RAPSN: variants seen among roughly 807,000 people sequenced by gnomAD.
RAPSN encodes 43 kDa receptor-associated protein of the synapse.
Under a neutral mutation model 45.7 loss-of-function variants are expected in RAPSN, and 33 were observed. That is an observed-to-expected ratio of 0.72 (90% CI 0.55 to 0.97). The LOEUF (loss-of-function observed/expected upper bound fraction) is 0.97. Among genes scored for constraint, RAPSN ranks in the 50% least tolerant of loss-of-function variants. The pLI is 0.00. For synonymous variants in RAPSN, 244 were observed against 233.6 expected (o/e 1.04, Z -0.40); for missense variants, 519 against 559.4 (o/e 0.93, Z 0.73).
At chr11:47,440,017 T>A (rs1015164568) in intron 6 of RAPSN, among the ~76,000 whole-genome samples, 1 of 152,140 alleles carries the variant, frequency 6.6e-6, no homozygotes, top group Admixed American at 6.6e-5. Context: ...GCCATGCTAA[T>A]CTTCTCTGTA....
rs369104346 is a variant in RAPSN, at chr11:47,438,799, C to T, written c.1099G>A (p.Gly367Ser). 8.9e-6 allele frequency: 14 copies of T among 1,570,346 alleles called. No homozygotes were observed. Among genetic ancestry groups the T allele is most frequent in the African/African-American group, 1.3e-5 (1 of 74,266 alleles). ...CTGTTCTTCTCGCCTATGGACTCGC[C>T]GCACAGGCCGCAGTAGAGCTCCGTC... is the stretch of plus-strand genomic sequence containing the variant. ...EETELYCGLC[G>S]ESIGEKNSRL... Residue 367 changes from glycine (G) to serine (S), a missense_variant, in exon 7 of 8, where the codon GGC becomes AGC. Physicochemically the swap from Gly to Ser is moderately conservative, Grantham distance 56. Coordinates refer to ENST00000298854, the MANE Select transcript of RAPSN (RefSeq NM_005055.5).
In RAPSN at chr11:47,441,717, T is replaced by A; in HGVS notation, c.806A>T (p.Tyr269Phe). The change falls in exon 5 of 8, where the codon TAC (tyrosine) becomes TTC (phenylalanine). Residue 269 changes from tyrosine to phenylalanine, a missense_variant. Transcript: ENST00000298854. ...GGTCATGATGCTCATGGCGGAGTCG[T>A]ACCTGGGGAAGGCTGTCTGCAGAGC... ...RGDLETAFPRYDSAMSIMTEI... is the reference protein window; with the variant it reads ...RGDLETAFPRFDSAMSIMTEI... 1 of 1,607,942 alleles carries A rather than the reference T, an allele frequency of 6.2e-7. No individual in the cohort carries two copies.
chr11:47,443,931 CAAAAAAAAAAAAAAAAAA>C (rs1161231934), intron 2 of RAPSN, among the ~76,000 whole-genome samples: 54 of 13,970 alleles, frequency 3.9e-3, no homozygotes, highest in African/African-American at 0.017. Context: ...CTCTGTCTCA[CAAAAAAAAAAAAAAAAAA>C]AAAAAAAAAA....
rs546698437 is a variant in RAPSN at position 47,440,653 on chromosome 11, C to T, written c.966+506G>A. On this transcript the variant is annotated intron_variant, in intron 6 of 7. Coordinates refer to ENST00000298854, the MANE Select transcript of RAPSN (RefSeq NM_005055.5). The stretch of plus-strand genomic sequence containing the variant: ...ATCCCAGCTACTCAGGAGGCTGAAG[C>T]AGGAGAATCACTTCAACCTGGGAGG... Among the ~76,000 whole-genome samples the T allele has an allele frequency of 3.0e-3, 455 of 152,350 alleles. 2 individuals are homozygous for T. The highest frequency in any genetic ancestry group is 0.01 in the African/African-American group (423 of 41,590).
At position 47,438,937 on chromosome 11, in the gene RAPSN, G is replaced by A; in HGVS notation, c.967-6C>T. On this transcript the variant is annotated splice_region_variant and splice_polypyrimidine_tract_variant and intron_variant, in intron 6 of 7. Coordinates refer to ENST00000298854, the MANE Select transcript of RAPSN (RefSeq NM_005055.5). Reference sequence around the variant, plus strand: ...TGCAGCTTGAGCTGGCTCAGCTGGGGCCCGCAGGAGTGGAGAGCGCCAGTG... The same window carrying A: ...TGCAGCTTGAGCTGGCTCAGCTGGGACCCGCAGGAGTGGAGAGCGCCAGTG... The A allele has an allele frequency of 6.4e-7, 1 of 1,554,608 alleles. No homozygotes were observed. The highest frequency in any genetic ancestry group is 1.2e-5 in the South Asian group (1 of 84,358).
At chr11:47,445,030 TG>T (rs1362053528) in intron 2 of RAPSN, among the ~76,000 whole-genome samples, 1 of 151,834 alleles carries the variant, frequency 6.6e-6, no homozygotes, top group Admixed American at 6.6e-5. Context: ...CAGACCATCC[TG>T]GCTAACATGG....
Position 47,448,061 on chromosome 11 carries a change from C to T in RAPSN, c.282G>A (p.Glu94=), listed in dbSNP as rs2153311324. 1 of 1,614,060 alleles carries T rather than the reference C, an allele frequency of 6.2e-7. No homozygotes were observed. Among genetic ancestry groups the T allele is most frequent in the Non-Finnish European group, 8.5e-7 (1 of 1,180,012 alleles). ...ESYLNLARSN[E]KLCEFHKTIS... ...TGGTCTTGTGAAACTCGCACAGCTT[C>T]TCGTTGCTGCGTGCCAGGTTCAGGT... Residue 94 remains glutamate (E), a synonymous_variant, in exon 2 of 8, where the codon GAG becomes GAA. Transcript: ENST00000298854.
At position 47,439,484 on chromosome 11, in the gene RAPSN, T is replaced by A. The variant is rs528231698; in HGVS notation, c.967-553A>T. ...AGTGAAACTCCGTCTCAAAAAAAAA[T>A]AATAATTAATCTGCTTTCCTGTTTT... On this transcript the variant is annotated intron_variant, in intron 6 of 7. Coordinates refer to ENST00000298854, the MANE Select transcript of RAPSN (RefSeq NM_005055.5). Among the ~76,000 whole-genome samples the A allele has an allele frequency of 9.5e-4, 142 of 150,232 alleles. 1 individual carries two copies. Among genetic ancestry groups the A allele is most frequent in the Middle Eastern group, 3.4e-3 (1 of 290 alleles).
In RAPSN at chr11:47,442,772, G is replaced by T; in HGVS notation, c.574C>A (p.Leu192Ile). The change falls in exon 3 of 8, where the codon CTT (leucine) becomes ATT (isoleucine). Residue 192 changes from leucine to isoleucine, a missense_variant. Leu to Ile is a conservative substitution (Grantham distance 5). Coordinates refer to ENST00000298854, the MANE Select transcript of RAPSN (RefSeq NM_005055.5). ...CAGCCTTTGCCATAGTTGTTGACAA[G>T]CTCTGCCGCCTTGCAGGGGAAGAAC... ...ALFFPCKAAE[L>I]VNNYGKGWSL... 6.2e-7 allele frequency: 1 copy of T among 1,614,268 alleles called. No individual in the cohort carries two copies. Among genetic ancestry groups the T allele is most frequent in the Non-Finnish European group, 8.5e-7 (1 of 1,180,050 alleles).
rs367798233 is a variant in RAPSN, at chr11:47,441,145, G to C, written c.966+14C>G. 1 of 1,613,908 alleles carries C rather than the reference G, an allele frequency of 6.2e-7. No homozygotes were observed. The highest frequency in any genetic ancestry group is 1.3e-5 in the African/African-American group (1 of 74,914). On this transcript the variant is annotated intron_variant, in intron 6 of 7. Coordinates refer to ENST00000298854, the MANE Select transcript of RAPSN (RefSeq NM_005055.5). Reference sequence around the variant, plus strand: ...CCCTTGACCCCAGATCCAGGACACAGAATCAAGTCTGACCTTGTTCCCCAC... The same window carrying C: ...CCCTTGACCCCAGATCCAGGACACACAATCAAGTCTGACCTTGTTCCCCAC...
rs45547231 is a variant in RAPSN at position 47,448,165 on chromosome 11, G to T, written c.193-15C>A. 6.2e-7 allele frequency: 1 copy of T among 1,605,500 alleles called. No homozygotes were observed. The highest frequency in any genetic ancestry group is 8.5e-7 in the Non-Finnish European group (1 of 1,179,402). ...ACCACAGCGAACTGCACACAGCGAC[G>T]GTGGGCAGGTGGTGCTCAGCCTGGA... On this transcript the variant is annotated splice_polypyrimidine_tract_variant and intron_variant, in intron 1 of 7. Transcript: ENST00000298854.
chr11:47,444,609 A>C (rs1200362075), intron 2 of RAPSN, among the ~76,000 whole-genome samples: 1 of 152,074 alleles, frequency 6.6e-6, no homozygotes, highest in African/African-American at 2.4e-5. Context: ...CTGTAATCCC[A>C]GCACTTTGGG....
rs1459137609 is a variant in RAPSN at position 47,437,954 on chromosome 11, G to T, written c.*21C>A. Reference sequence around the variant, plus strand: ...AAAGAGCAGGAGTGGCGAGGAGGAAGCCCACGCCTGCTGCCAGGAGTCATA... The same window carrying T: ...AAAGAGCAGGAGTGGCGAGGAGGAATCCCACGCCTGCTGCCAGGAGTCATA... On this transcript the variant is annotated 3_prime_UTR_variant, in exon 8 of 8. Transcript: ENST00000298854. The T allele has an allele frequency of 6.4e-7, 1 of 1,550,724 alleles. No individual in the cohort carries two copies. Among genetic ancestry groups the T allele is most frequent in the Admixed American group, 2.0e-5 (1 of 51,008 alleles).
chr11:47,438,760 G>A lies in RAPSN; in HGVS notation c.1138C>T (p.Leu380=). The A allele has an allele frequency of 1.3e-6, 2 of 1,564,742 alleles. No individual in the cohort carries two copies. The highest frequency in any genetic ancestry group is 8.7e-7 in the Non-Finnish European group (1 of 1,151,222). ...AGGTGGAAGATGTGGGAGCAAGGTA[G>A]GGCCTGCAGCCGGCTGTTCTTCTCG... ...IGEKNSRLQA[L]PCSHIFHLRC... The change falls in exon 7 of 8, where the codon CTA becomes TTA. Residue 380 remains leucine (L), a synonymous_variant. Transcript: ENST00000298854.
At chr11:47,441,100 A>T (rs1319319005) in intron 6 of RAPSN, 59 bp downstream of exon 6, 1 of 1,603,154 alleles carries the variant, frequency 6.2e-7, no homozygotes, top group East Asian at 2.2e-5. Flanking sequence ...CCTTCCCCAG[A>T]CCCAAGTTCC....
chr11:47,438,419 T>C (rs1223680317), intron 7 of RAPSN: 1 of 565,394 alleles, frequency 1.8e-6, no homozygotes, highest in Non-Finnish European at 3.1e-6. Flanking sequence ...GCCTCCCGGG[T>C]TCAAGTGATT....
intron 1 of RAPSN, 45 bp downstream of exon 1, chr11:47,448,728 G>A (rs374289750): frequency 6.9e-6 from 11 of 1,598,976 alleles, no homozygotes; most frequent in South Asian, 2.2e-5. Flanking sequence ...GGAGACATCC[G>A]GCCCCAGCCT....
intron 2 of RAPSN, among the ~76,000 whole-genome samples, chr11:47,443,955 A>AAAAAAG (rs1204196817): frequency 2.7e-5 from 4 of 147,992 alleles, no homozygotes; most frequent in African/African-American, 4.9e-5. Flanking sequence ...AAAAAAAAAA[A>AAAAAAG]AAAAGAAAAG....
In RAPSN at chr11:47,438,723, AG is replaced by A; in HGVS notation, c.1166+8del. On this transcript the variant is annotated splice_region_variant and intron_variant, in intron 7 of 7. Coordinates refer to ENST00000298854, the MANE Select transcript of RAPSN (RefSeq NM_005055.5). ...GCCCACCCCTGTCCACCCCCCCAGG[AG>A]CCCCCACCTGAGGTGGAAGATGTGG... 6.4e-7 allele frequency: 1 copy of A among 1,555,298 alleles called. No individual in the cohort carries two copies. The highest frequency in any genetic ancestry group is 8.7e-7 in the Non-Finnish European group (1 of 1,146,904).
Sources: allele counts gnomAD v4.1 joint callset (sites outside exome capture counted in the v4.1 genomes callset), GRCh38; gene constraint gnomAD v4.1.1; transcripts MANE v1.5; gene names NCBI Gene and HGNC (gene_info 2026-07-23, HGNC 2026-07-21).